NPAS3: variants seen among roughly 807,000 people sequenced by gnomAD.
NPAS3 encodes neuronal PAS domain protein 3.
Under a neutral mutation model 73.1 loss-of-function variants are expected in NPAS3, and 14 were observed. The ratio of observed to expected loss-of-function variants is 0.19; its 90% CI spans 0.13 to 0.30. NPAS3 has a LOEUF of 0.30. NPAS3 is among the 10% of genes least tolerant of loss of function. NPAS3 has a pLI of 1.00. For missense variants in NPAS3, 1,096 were observed against 1,250.0 expected (o/e 0.88, Z 1.86); for synonymous variants, 620 against 541.5 (o/e 1.14, Z -2.01).
chr14:33,329,213 C>T (rs2043863250), intron 3 of NPAS3, among the ~76,000 whole-genome samples: 1 of 152,152 alleles, frequency 6.6e-6, no homozygotes, highest in Non-Finnish European at 1.5e-5. Context: ...AACAAGACCA[C>T]CCTGCCCCCA....
chr14:33,437,324 C>A (rs1330534712), intron 4 of NPAS3, among the ~76,000 whole-genome samples: 4 of 152,060 alleles, frequency 2.6e-5, no homozygotes, highest in South Asian at 4.2e-4. Flanking sequence ...GGTATAGAAC[C>A]AATTTTTCCA....
Position 33,212,466 on chromosome 14 carries a change from T to TAA in NPAS3, c.141-2709_141-2708dup, listed in dbSNP as rs34358905. ...GAGAAAAGAAAACAAGGAGGTAGGA[T>TAA]AAAAAAAACATAAAGTAAATTCTGA... On this transcript the variant is annotated intron_variant, in intron 2 of 11. Transcript: ENST00000356141. Among the ~76,000 whole-genome samples the TAA allele has an allele frequency of 7.0e-3, 1,067 of 151,852 alleles. 14 individuals carry two copies. The highest frequency in any genetic ancestry group is 0.024 in the African/African-American group (998 of 41,408).
At chr14:33,420,419 CATA>C (rs1420776533) in intron 4 of NPAS3, among the ~76,000 whole-genome samples, 1 of 151,928 alleles carries the variant, frequency 6.6e-6, no homozygotes, top group Non-Finnish European at 1.5e-5. Flanking sequence ...GCAGCAGAAT[CATA>C]ATGTCTCCAG....
intron 4 of NPAS3, among the ~76,000 whole-genome samples, chr14:33,497,134 C>T (rs924469885): frequency 6.6e-6 from 1 of 152,118 alleles, no homozygotes; most frequent in Non-Finnish European, 1.5e-5. Context: ...AGGAATACAA[C>T]TTACAAGGGA....
At chr14:33,129,848 C>T (rs571517766) in intron 2 of NPAS3, among the ~76,000 whole-genome samples, 4 of 152,120 alleles carry the variant, frequency 2.6e-5, no homozygotes, top group South Asian at 2.1e-4. Flanking sequence ...AGAGAATTTG[C>T]GATAATTTTC....
At chr14:33,019,392 A>G (rs1261950383) in intron 1 of NPAS3, among the ~76,000 whole-genome samples, 2 of 152,142 alleles carry the variant, frequency 1.3e-5, no homozygotes, top group Non-Finnish European at 2.9e-5. Context: ...TTAAGGCTTC[A>G]TTTTTTTACC....
chr14:33,760,900 A>G (rs1307639089), intron 7 of NPAS3, among the ~76,000 whole-genome samples: 1 of 152,224 alleles, frequency 6.6e-6, no homozygotes, highest in African/African-American at 2.4e-5. Context: ...GATTTTAATT[A>G]TGATAGATTT....
At chr14:33,533,559 G>T (rs1294790829) in intron 4 of NPAS3, among the ~76,000 whole-genome samples, 1 of 152,080 alleles carries the variant, frequency 6.6e-6, no homozygotes, top group East Asian at 1.9e-4. Flanking sequence ...TTGGCAAAAA[G>T]AGCAATTTCT....
At chr14:33,010,232 T>TA (rs755009463) in intron 1 of NPAS3, among the ~76,000 whole-genome samples, 3 of 152,236 alleles carry the variant, frequency 2.0e-5, no homozygotes, top group Non-Finnish European at 2.9e-5. Context: ...CCTCTCTGTT[T>TA]ACATCCAGGG....
At chr14:33,550,158 C>T (rs985157428) in intron 4 of NPAS3, among the ~76,000 whole-genome samples, 2 of 151,982 alleles carry the variant, frequency 1.3e-5, no homozygotes, top group Non-Finnish European at 2.9e-5. Context: ...AGCCAAGCAC[C>T]ACTGTTGTTT....
At chr14:33,145,149 A>G (rs775331739) in intron 2 of NPAS3, among the ~76,000 whole-genome samples, 8 of 152,224 alleles carry the variant, frequency 5.3e-5, no homozygotes, top group Non-Finnish European at 1.0e-4. Context: ...AGAGGTTTGC[A>G]GTTCACCCAC....
At chr14:33,669,404 C>T (rs1288783862) in intron 5 of NPAS3, among the ~76,000 whole-genome samples, 1 of 152,194 alleles carries the variant, frequency 6.6e-6, no homozygotes, top group African/African-American at 2.4e-5. Context: ...TCCCTGGGCT[C>T]ATTCCTGTGA....
At chr14:33,735,388 T>G (rs1276187605) in intron 7 of NPAS3, 56 bp downstream of exon 7, 1 of 1,232,542 alleles carries the variant, frequency 8.1e-7, no homozygotes, top group African/African-American at 1.5e-5. Context: ...CTAGGTAATT[T>G]GCATTGAATT....
intron 3 of NPAS3, among the ~76,000 whole-genome samples, chr14:33,242,617 A>T (rs1302546468): frequency 6.6e-6 from 1 of 152,142 alleles, no homozygotes. Context: ...AGATGCGTCA[A>T]CATTATTCAA....
intron 6 of NPAS3, among the ~76,000 whole-genome samples, chr14:33,699,786 G>A (rs1478729793): frequency 6.6e-6 from 1 of 152,092 alleles, no homozygotes; most frequent in Non-Finnish European, 1.5e-5. Context: ...GCAAGCAGCA[G>A]CTGAGCAGTC....
At chr14:33,355,448 G>A (rs1196514844) in intron 3 of NPAS3, among the ~76,000 whole-genome samples, 2 of 152,006 alleles carry the variant, frequency 1.3e-5, no homozygotes, top group African/African-American at 2.4e-5. Flanking sequence ...CTACAGGCAC[G>A]CACCATCATG....
chr14:33,374,349 T>G (rs937116618), intron 4 of NPAS3, among the ~76,000 whole-genome samples: 1 of 152,136 alleles, frequency 6.6e-6, no homozygotes, highest in Non-Finnish European at 1.5e-5. Context: ...TTTCTACGTT[T>G]CTTCTGTTAA....
intron 6 of NPAS3, among the ~76,000 whole-genome samples, chr14:33,681,876 G>A (rs891880548): frequency 7.9e-6 from 1 of 127,124 alleles, no homozygotes; most frequent in Admixed American, 7.2e-5. Context: ...GCTATTGGAA[G>A]GGTAAGTGAC....
intron 3 of NPAS3, among the ~76,000 whole-genome samples, chr14:33,358,187 T>C (rs1483132936): frequency 6.6e-6 from 1 of 152,158 alleles, no homozygotes; most frequent in Non-Finnish European, 1.5e-5. Context: ...CCAAGCCAGA[T>C]GCTGCGATGC....
Sources: gnomAD v4.1 joint callset for allele counts (sites outside exome capture counted in the v4.1 genomes callset) on GRCh38, gnomAD v4.1.1 for gene constraint, MANE v1.5 for transcripts, NCBI Gene and HGNC (gene_info 2026-07-23, HGNC 2026-07-21) for gene names.